NEGR1: variants seen among roughly 807,000 people sequenced by gnomAD.
NEGR1 encodes the protein IgLON family member 4.
In NEGR1, 10 loss-of-function variants were observed where a neutral mutation model predicts 40.9. That is an observed-to-expected ratio of 0.24 (90% CI 0.15 to 0.42). The LOEUF is 0.42. Among genes scored for constraint, NEGR1 ranks in the 10% least tolerant of loss-of-function variants. The pLI is 1.00. For missense variants in NEGR1, 352 were observed against 438.9 expected, an observed-to-expected ratio of 0.80 and a Z score of 1.77; for synonymous variants, 185 against 166.8, an observed-to-expected ratio of 1.11 and a Z score of -0.84.
At chr1:71,835,644 G>C (rs1447475999) in intron 2 of NEGR1, among the ~76,000 whole-genome samples, 1 of 152,052 alleles carries the variant, frequency 6.6e-6, no homozygotes, top group South Asian at 2.1e-4. Flanking sequence ...ACAAGGGATT[G>C]CTTTTGCAAA....
intron 6 of NEGR1, among the ~76,000 whole-genome samples, chr1:71,508,866 C>T (rs1012257644): frequency 6.6e-6 from 1 of 152,154 alleles, no homozygotes. Context: ...TCCAGCCATT[C>T]TAAACCAAGA....
At position 71,668,422 on chromosome 1, in the gene NEGR1, C is replaced by T. The variant is rs531852280; in HGVS notation, c.667+29586G>A. On this transcript the variant is annotated intron_variant, in intron 4 of 6. Transcript: ENST00000357731. ...TGATAGAGGAGGATAGAGCCAAATG[C>T]TTTTTAGTACAACGATGAGCAAACA... is the stretch of plus-strand genomic sequence containing the variant. 2.0e-4 allele frequency among the ~76,000 whole-genome samples: 31 copies of T among 152,216 alleles called. 2 individuals are homozygous for T. The South Asian group carries it at 6.0e-3, about 30-fold the overall frequency.
intron 3 of NEGR1, among the ~76,000 whole-genome samples, chr1:71,724,980 T>C (rs1371364017): frequency 2.0e-5 from 3 of 152,068 alleles, no homozygotes; most frequent in Non-Finnish European, 4.4e-5. Context: ...AGCAGTAAGG[T>C]GAAGCAGCAG....
At chr1:71,732,519 TGC>T (rs538227003) in intron 3 of NEGR1, among the ~76,000 whole-genome samples, 4,532 of 136,860 alleles carry the variant, frequency 0.033, 209 homozygotes, top group African/African-American at 0.11. Flanking sequence ...TGTGTGTGTG[TGC>T]GCGCGCGCGC....
At chr1:71,919,847 A>G (rs940880643) in intron 2 of NEGR1, among the ~76,000 whole-genome samples, 9 of 152,172 alleles carry the variant, frequency 5.9e-5, no homozygotes, top group African/African-American at 2.2e-4. Flanking sequence ...CTGTGTTTCA[A>G]TAGTTATTGC....
Position 71,396,647 on chromosome 1 carries a change from G to T in NEGR1, c.*10799C>A, listed in dbSNP as rs141045971. ...GGAGGTAATTGAACCATGGGGGCAG[G>T]TCTTTCCCATGCTGTTCTCATGACA... On this transcript the variant is annotated 3_prime_UTR_variant, in exon 7 of 7. Transcript: ENST00000357731. 1 of 152,218 alleles carries T rather than the reference G, an allele frequency of 6.6e-6. No homozygotes were observed. The highest frequency in any genetic ancestry group is 2.4e-5 in the African/African-American group (1 of 41,446). 9.4% of individuals were successfully genotyped at this position (152,218 alleles called of 1,614,324 possible). A position where few individuals can be genotyped will look rare whatever the true frequency, so the allele number is the denominator to read the frequency against.
At chr1:71,626,533 A>G (rs1348653690) in intron 4 of NEGR1, among the ~76,000 whole-genome samples, 1 of 151,934 alleles carries the variant, frequency 6.6e-6, no homozygotes, top group Non-Finnish European at 1.5e-5. Flanking sequence ...AAAGGACATG[A>G]ACTCATCATT....
chr1:71,509,111 G>A (rs573991811), intron 6 of NEGR1, among the ~76,000 whole-genome samples: 6 of 152,286 alleles, frequency 3.9e-5, no homozygotes, highest in Non-Finnish European at 5.9e-5. Context: ...TGCCTGGGTC[G>A]AATGGATCAA....
At chr1:71,416,507 G>A (rs1351559156) in intron 6 of NEGR1, among the ~76,000 whole-genome samples, 1 of 152,064 alleles carries the variant, frequency 6.6e-6, no homozygotes, top group African/African-American at 2.4e-5. Context: ...GTGAAATGAA[G>A]GCCAGTGATT....
intron 1 of NEGR1, among the ~76,000 whole-genome samples, chr1:72,037,371 A>T (rs1197722471): frequency 1.3e-5 from 2 of 152,198 alleles, no homozygotes; most frequent in African/African-American, 4.8e-5. Context: ...TCTTTACAAC[A>T]TTATGAAGTC....
intron 1 of NEGR1, among the ~76,000 whole-genome samples, chr1:72,133,321 A>G (rs916210035): frequency 4.6e-5 from 7 of 152,134 alleles, no homozygotes; most frequent in Non-Finnish European, 8.8e-5. Flanking sequence ...CATGCAGAAT[A>G]TATTTTTAAC....
rs570749693 is a variant in NEGR1 at position 71,900,797 on chromosome 1, T to C, written c.409+34282A>G. Among the ~76,000 whole-genome samples, 225 of 152,322 alleles carry C rather than the reference T, an allele frequency of 1.5e-3. 4 individuals are homozygous for C. In the South Asian group the frequency reaches 0.045, roughly 30 times the overall value. On this transcript the variant is annotated intron_variant, in intron 2 of 6. Transcript: ENST00000357731. ...TTATTCCATGGAAAATGTAGATTTGTTTAATTAATATTAATTTGATTGTAC... is the reference window on the plus strand; with the variant it reads ...TTATTCCATGGAAAATGTAGATTTGCTTAATTAATATTAATTTGATTGTAC...
intron 1 of NEGR1, among the ~76,000 whole-genome samples, chr1:72,172,754 G>A (rs926211767): frequency 2.1e-4 from 32 of 152,094 alleles, no homozygotes; most frequent in African/African-American, 7.7e-4. Context: ...TCCTTCTGGA[G>A]GCTCTGAGAC....
intron 1 of NEGR1, among the ~76,000 whole-genome samples, chr1:72,087,920 A>C (rs1377625087): frequency 6.6e-6 from 1 of 152,052 alleles, no homozygotes; most frequent in Admixed American, 6.6e-5. Flanking sequence ...ATATGGAAGA[A>C]ATGCCCTTTA....
chr1:71,817,722 G>T (rs887028005), intron 2 of NEGR1, among the ~76,000 whole-genome samples: 3 of 152,068 alleles, frequency 2.0e-5, no homozygotes, highest in African/African-American at 7.2e-5. Context: ...GTGTGAGGAT[G>T]TAGTGATAGA....
rs1306054229 is a variant in NEGR1 at position 71,405,701 on chromosome 1, C to G, written c.*1745G>C. 1 of 151,114 alleles carries G rather than the reference C, an allele frequency of 6.6e-6. No homozygotes were observed. Among genetic ancestry groups the G allele is most frequent in the Non-Finnish European group, 1.5e-5 (1 of 67,484 alleles). 9.4% of individuals were successfully genotyped at this position (151,114 alleles called of 1,614,324 possible). A position where few individuals can be genotyped will look rare whatever the true frequency, so the allele number is the denominator to read the frequency against. ...TAAGTTTTACTTGAAGAAAAAAAAT[C>G]ACAGTTTTTAAGCCATCCCTGCTAG... On this transcript the variant is annotated 3_prime_UTR_variant, in exon 7 of 7. Transcript: ENST00000357731.
intron 1 of NEGR1, among the ~76,000 whole-genome samples, chr1:72,132,993 T>C (rs897145288): frequency 2.0e-5 from 3 of 152,264 alleles, no homozygotes; most frequent in East Asian, 1.9e-4. Context: ...GCTTCTTTTT[T>C]TCTGAAAAAA....
In NEGR1 at chr1:71,849,913, C is replaced by A. The variant is rs146114642; in HGVS notation, c.410-73616G>T. 4.3e-3 allele frequency among the ~76,000 whole-genome samples: 649 copies of A among 152,144 alleles called. 6 individuals are homozygous for A. The highest frequency in any genetic ancestry group is 0.015 in the African/African-American group (621 of 41,502). ...ACTCTACAATATAGTGTAAATATAA[C>A]TTTTATATGCACTGGGAAACCCATA... On this transcript the variant is annotated intron_variant, in intron 2 of 6. Transcript: ENST00000357731.
chr1:71,584,878 A>T (rs894677786), intron 6 of NEGR1, among the ~76,000 whole-genome samples: 7 of 152,168 alleles, frequency 4.6e-5, no homozygotes, highest in African/African-American at 1.7e-4. Context: ...TACTCAAGTC[A>T]CATTTTGGCC....
Sources: allele counts gnomAD v4.1 joint callset (sites outside exome capture counted in the v4.1 genomes callset), GRCh38; gene constraint gnomAD v4.1.1; transcripts MANE v1.5; gene names NCBI Gene and HGNC (gene_info 2026-07-23, HGNC 2026-07-21).